SLC34A2: variants seen among roughly 807,000 people sequenced by gnomAD.
SLC34A2 encodes the protein sodium-dependent phosphate transport protein 2B.
Under a neutral mutation model 50.8 loss-of-function variants are expected in SLC34A2, and 41 were observed. The ratio of observed to expected loss-of-function variants is 0.81; its 90% CI spans 0.63 to 1.05. SLC34A2 has a LOEUF of 1.05. Ranked by LOEUF, SLC34A2 falls within the 50% of genes least tolerant of loss-of-function variation. SLC34A2 has a pLI of 0.00. For missense variants in SLC34A2, 879 were observed against 876.7 expected, an observed-to-expected ratio of 1.00 and a Z score of -0.03; for synonymous variants, 401 against 364.2, an observed-to-expected ratio of 1.10 and a Z score of -1.15.
At chr4:25,673,288 TG>T in intron 10 of SLC34A2, 34 bp downstream of exon 10, 1 of 1,447,674 alleles carries the variant, frequency 6.9e-7, no homozygotes, top group South Asian at 1.2e-5. Flanking sequence ...AGGCCTCACA[TG>T]TAGTCACTGC....
chr4:25,664,800 C>T (rs1714402278), intron 4 of SLC34A2: 2 of 245,680 alleles, frequency 8.1e-6, no homozygotes, highest in Non-Finnish European at 1.6e-5. Context: ...GCTGCGTGTG[C>T]CCATGCAGTG....
intron 10 of SLC34A2, 64 bp from the exon 11 acceptor site, chr4:25,674,232 C>A (rs1714979063): frequency 7.9e-7 from 1 of 1,272,570 alleles, no homozygotes; most frequent in Non-Finnish European, 1.1e-6. Context: ...CCAGCCCCTA[C>A]CCCAGGCCAC....
chr4:25,670,927 C>A, intron 8 of SLC34A2, 94 bp downstream of exon 8: 2 of 1,035,152 alleles, frequency 1.9e-6, no homozygotes, highest in South Asian at 1.3e-5. Flanking sequence ...AATAGAAAGT[C>A]AGGGGAAAGA....
chr4:25,666,762 A>G (rs1259340645), intron 5 of SLC34A2, among the ~76,000 whole-genome samples: 1 of 152,170 alleles, frequency 6.6e-6, no homozygotes, highest in Non-Finnish European at 1.5e-5. Flanking sequence ...AAGAAAGACA[A>G]CTTAATCACA....
In SLC34A2 at chr4:25,673,127, T is replaced by C. The variant is rs34723230; in HGVS notation, c.1089T>C (p.Ala363=). 6.8e-4 allele frequency: 1,100 copies of C among 1,614,152 alleles called. 6 individuals carry two copies. The African/African-American group carries it at 0.013, about 19-fold the overall frequency. ...IFVNFHLPDL[A]VGTILLILSL... is the part of the protein sequence containing the mutation. The stretch of plus-strand genomic sequence containing the variant: ...TGAATTTCCACCTCCCGGATCTTGC[T>C]GTGGGCACCATCTTGCTCATACTCT... Residue 363 remains alanine, a synonymous_variant, in exon 10 of 13, where the codon GCT becomes GCC. Transcript: ENST00000382051.
At chr4:25,658,040 T>G (rs1471566439) in intron 1 of SLC34A2, among the ~76,000 whole-genome samples, 1 of 152,188 alleles carries the variant, frequency 6.6e-6, no homozygotes, top group African/African-American at 2.4e-5. Context: ...CTGGCCTGCA[T>G]GAGGTTGAAA....
intron 10 of SLC34A2, 65 bp from the exon 11 acceptor site, chr4:25,674,231 A>T: frequency 6.5e-6 from 8 of 1,239,582 alleles, no homozygotes; most frequent in Non-Finnish European, 8.3e-6. Flanking sequence ...CCCAGCCCCT[A>T]CCCCAGGCCA....
intron 4 of SLC34A2, among the ~76,000 whole-genome samples, chr4:25,665,861 C>G (rs1036357580): frequency 6.6e-6 from 1 of 152,018 alleles, no homozygotes; most frequent in Non-Finnish European, 1.5e-5. Flanking sequence ...CAAAAGTAAC[C>G]AGGGGCTCAC....
rs150930496 is a variant in SLC34A2, at chr4:25,670,771, A to C, written c.865A>C (p.Asn289His). 1.2e-6 allele frequency: 2 copies of C among 1,614,088 alleles called. No homozygotes were observed. Among genetic ancestry groups the C allele is most frequent in the African/African-American group, 1.3e-5 (1 of 75,074 alleles). ...DKKVISQIAMNDEKAKNKSLV... is the reference protein window; with the variant it reads ...DKKVISQIAMHDEKAKNKSLV... ...AAAAGTTATCAGCCAAATTGCAATG[A>C]ACGATGAAAAAGCGAAAAACAAGAG... Residue 289 changes from asparagine to histidine, a missense_variant, in exon 8 of 13, where the codon AAC becomes CAC. Coordinates refer to ENST00000382051, the MANE Select transcript of SLC34A2 (RefSeq NM_006424.3).
At chr4:25,657,808 G>A (rs1385763557) in intron 1 of SLC34A2, among the ~76,000 whole-genome samples, 1 of 152,132 alleles carries the variant, frequency 6.6e-6, no homozygotes, top group Middle Eastern at 3.2e-3. Flanking sequence ...GTCTAAGCTG[G>A]TCTCAAACTC....
rs114269561 is a variant in SLC34A2, at chr4:25,674,462, C to T, written c.1334-43C>T. The stretch of plus-strand genomic sequence containing the variant: ...TCTGGCCACCACTGCCATTTCCTGT[C>T]ATCCCATGGGGCTGATATGTTTGTG... On this transcript the variant is annotated intron_variant, in intron 11 of 12. Coordinates refer to ENST00000382051, the MANE Select transcript of SLC34A2 (RefSeq NM_006424.3). 3,080 of 1,614,198 alleles carry T rather than the reference C, an allele frequency of 1.9e-3. 38 individuals are homozygous for T. The African/African-American group carries it at 0.034, about 18-fold the overall frequency.
rs2109063288 is a variant in SLC34A2 at position 25,676,820 on chromosome 4, T to C, written c.*71T>C. 6.2e-7 allele frequency: 1 copy of C among 1,604,870 alleles called. No homozygotes were observed. Among genetic ancestry groups the C allele is most frequent in the Non-Finnish European group, 8.5e-7 (1 of 1,174,346 alleles). Reference sequence around the variant, plus strand: ...TGCATGCTCTCCTCCCTCCCACTTCTGCACCCTTTCACCACCTCGAGGAGA... The same window carrying C: ...TGCATGCTCTCCTCCCTCCCACTTCCGCACCCTTTCACCACCTCGAGGAGA... On this transcript the variant is annotated 3_prime_UTR_variant, in exon 13 of 13. Transcript: ENST00000382051.
chr4:25,661,508 C>G (rs1260341413), intron 1 of SLC34A2, among the ~76,000 whole-genome samples: 1 of 152,132 alleles, frequency 6.6e-6, no homozygotes, highest in East Asian at 1.9e-4. Flanking sequence ...ATGCCTCAGC[C>G]TCCTAAGTAG....
chr4:25,663,515 G>T (rs1300864527), intron 3 of SLC34A2, among the ~76,000 whole-genome samples: 1 of 152,190 alleles, frequency 6.6e-6, no homozygotes, highest in East Asian at 1.9e-4. Context: ...AAGAAAATAT[G>T]CAGCCAGACA....
chr4:25,662,948 G>T, intron 3 of SLC34A2, 106 bp downstream of exon 3: 1 of 1,346,688 alleles, frequency 7.4e-7, no homozygotes, highest in Non-Finnish European at 1.0e-6. Flanking sequence ...TTCCCTTGAA[G>T]CAAGGGTCCT....
At position 25,676,825 on chromosome 4, in the gene SLC34A2, C is replaced by G. The variant is rs769095652; in HGVS notation, c.*76C>G. The stretch of plus-strand genomic sequence containing the variant: ...GCTCTCCTCCCTCCCACTTCTGCAC[C>G]CTTTCACCACCTCGAGGAGATTTGC... On this transcript the variant is annotated 3_prime_UTR_variant, in exon 13 of 13. Coordinates refer to ENST00000382051, the MANE Select transcript of SLC34A2 (RefSeq NM_006424.3). 8.2e-6 allele frequency: 13 copies of G among 1,593,718 alleles called. No individual in the cohort carries two copies. Among genetic ancestry groups the G allele is most frequent in the Non-Finnish European group, 1.0e-5 (12 of 1,165,636 alleles).
chr4:25,663,739 C>G (rs1260703473), intron 3 of SLC34A2, among the ~76,000 whole-genome samples: 1 of 152,196 alleles, frequency 6.6e-6, no homozygotes, highest in Non-Finnish European at 1.5e-5. Context: ...ATGTATGATG[C>G]CCCAAGCCCT....
chr4:25,666,400 CCCCAGCTACAATGTGTTT>C, intron 5 of SLC34A2, 129 bp downstream of exon 5: 1 of 1,039,490 alleles, frequency 9.6e-7, no homozygotes, highest in East Asian at 2.5e-5. Flanking sequence ...TGGTATCTTG[CCCCAGCTACAATGTGTTT>C]CCCTCTTGAT....
intron 9 of SLC34A2, among the ~76,000 whole-genome samples, chr4:25,672,680 T>TG (rs1456611518): frequency 6.6e-6 from 1 of 152,068 alleles, no homozygotes; most frequent in Non-Finnish European, 1.5e-5. Flanking sequence ...TGGGATTATC[T>TG]GGGGGATGCA....
Sources: allele counts gnomAD v4.1 joint callset (sites outside exome capture counted in the v4.1 genomes callset), GRCh38; gene constraint gnomAD v4.1.1; transcripts MANE v1.5; gene names NCBI Gene and HGNC (gene_info 2026-07-23, HGNC 2026-07-21).